The following ASTN2 variants were observed in gnomAD, a reference collection of about 807,000 sequenced individuals.
ASTN2 encodes the protein astrotactin-2.
Under a neutral mutation model 139.8 loss-of-function variants are expected in ASTN2, and 54 were observed. The ratio of observed to expected loss-of-function variants is 0.39; its 90% CI spans 0.31 to 0.48. The LOEUF (loss-of-function observed/expected upper bound fraction) is 0.48. Ranked by LOEUF, ASTN2 falls within the 20% of genes least tolerant of loss-of-function variation. The probability of loss-of-function intolerance (pLI) is 0.95; values close to 1 mark genes in which losing one functional copy is unlikely to be tolerated. For missense variants in ASTN2, 1,565 were observed against 1,725.1 expected (o/e 0.91, Z 1.64); for synonymous variants, 756 against 719.5 (o/e 1.05, Z -0.81).
At chr9:116,870,244 G>GTA (rs1358634235) in intron 10 of ASTN2, among the ~76,000 whole-genome samples, 5 of 152,286 alleles carry the variant, frequency 3.3e-5, no homozygotes, top group African/African-American at 1.2e-4. Flanking sequence ...GTTGAACCCA[G>GTA]GTAGGTCCAA....
intron 13 of ASTN2, among the ~76,000 whole-genome samples, chr9:116,801,606 A>G (rs1057119404): frequency 2.7e-5 from 4 of 149,404 alleles, no homozygotes; most frequent in African/African-American, 9.9e-5. Flanking sequence ...AAAAAAAAAA[A>G]AAAAAAAGAA....
chr9:116,502,077 G>A (rs1166464135), intron 19 of ASTN2, among the ~76,000 whole-genome samples: 1 of 152,078 alleles, frequency 6.6e-6, no homozygotes, highest in Non-Finnish European at 1.5e-5. Flanking sequence ...ATTTAACCAG[G>A]CTGAGGTGAA....
chr9:117,062,340 T>G (rs751010756), intron 5 of ASTN2, among the ~76,000 whole-genome samples: 1 of 152,162 alleles, frequency 6.6e-6, no homozygotes, highest in Non-Finnish European at 1.5e-5. Context: ...ACTTAGGACC[T>G]AAAAAGGAGC....
chr9:117,067,252 A>G (rs1257605808), intron 5 of ASTN2, among the ~76,000 whole-genome samples: 1,554 of 122,658 alleles, frequency 0.013, 10 homozygotes, highest in African/African-American at 0.041. Context: ...AGCACCATTT[A>G]TTAAATAGGG....
intron 19 of ASTN2, chr9:116,543,832 G>A (rs1368190369): frequency 1.3e-5 from 2 of 152,162 alleles, no homozygotes; most frequent in Non-Finnish European, 2.9e-5. Flanking sequence ...GTGACATCAG[G>A]ATGACGCTTG....
intron 1 of ASTN2, among the ~76,000 whole-genome samples, chr9:117,297,451 A>T (rs1484753708): frequency 1.3e-5 from 2 of 152,204 alleles, no homozygotes; most frequent in Admixed American, 1.3e-4. Flanking sequence ...TGCTTAATTA[A>T]TGCAAAGCTT....
chr9:116,923,825 C>T (rs1351769360), intron 10 of ASTN2, among the ~76,000 whole-genome samples: 1 of 152,182 alleles, frequency 6.6e-6, no homozygotes, highest in Non-Finnish European at 1.5e-5. Flanking sequence ...CCACATAGAG[C>T]ACACCTTGCT....
intron 22 of ASTN2, among the ~76,000 whole-genome samples, chr9:116,428,731 C>T (rs973004533): frequency 2.6e-5 from 4 of 152,134 alleles, no homozygotes; most frequent in Non-Finnish European, 5.9e-5. Context: ...TACTCAGGTT[C>T]AAATCCCAGC....
intron 1 of ASTN2, among the ~76,000 whole-genome samples, chr9:117,328,589 A>G (rs553669628): frequency 4.6e-5 from 7 of 152,228 alleles, no homozygotes; most frequent in South Asian, 2.1e-4. Context: ...CACTTTCCCA[A>G]TGATTGTTAA....
intron 3 of ASTN2, among the ~76,000 whole-genome samples, chr9:117,144,652 G>A: frequency 7.3e-6 from 1 of 136,932 alleles, no homozygotes; most frequent in Admixed American, 7.2e-5. Flanking sequence ...TGAGAGGAGT[G>A]AACACTAGTT....
intron 7 of ASTN2, among the ~76,000 whole-genome samples, chr9:116,978,791 G>GGA (rs1554766697): frequency 2.7e-5 from 4 of 149,984 alleles, no homozygotes; most frequent in South Asian, 2.1e-4. Context: ...AGGCTTCAGG[G>GGA]AAAAAAAAAA....
chr9:117,326,450 G>A (rs1438932753), intron 1 of ASTN2, among the ~76,000 whole-genome samples: 1 of 152,092 alleles, frequency 6.6e-6, no homozygotes, highest in Non-Finnish European at 1.5e-5. Flanking sequence ...AAAAAAACAG[G>A]CATATAAATA....
At chr9:117,071,475 C>T (rs1342709742) in intron 5 of ASTN2, among the ~76,000 whole-genome samples, 5 of 150,426 alleles carry the variant, frequency 3.3e-5, no homozygotes, top group Non-Finnish European at 7.4e-5. Flanking sequence ...TTTGTCTGTG[C>T]CCTGCCCCCA....
intron 1 of ASTN2, among the ~76,000 whole-genome samples, chr9:117,355,552 C>T (rs1333238769): frequency 6.6e-6 from 1 of 152,076 alleles, no homozygotes; most frequent in Non-Finnish European, 1.5e-5. Context: ...TGCTTAGCTC[C>T]CAGGCAAAGG....
intron 19 of ASTN2, among the ~76,000 whole-genome samples, chr9:116,581,047 G>A (rs559515688): frequency 2.6e-5 from 4 of 152,228 alleles, no homozygotes; most frequent in South Asian, 2.1e-4. Context: ...GGATGGGGGT[G>A]GGGAGAAAGT....
chr9:116,724,181 T>C (rs987363114), intron 16 of ASTN2, among the ~76,000 whole-genome samples: 3 of 152,338 alleles, frequency 2.0e-5, no homozygotes, highest in Admixed American at 6.5e-5. Flanking sequence ...CATAACCTAA[T>C]AGTATTACTT....
intron 19 of ASTN2, chr9:116,613,486 T>G (rs1187292409): frequency 6.5e-6 from 1 of 153,032 alleles, no homozygotes; most frequent in Non-Finnish European, 1.5e-5. Context: ...AATAAAATAT[T>G]GGCAAACCAA....
intron 12 of ASTN2, among the ~76,000 whole-genome samples, chr9:116,815,885 A>G (rs894788054): frequency 1.6e-4 from 24 of 151,354 alleles, no homozygotes; most frequent in Admixed American, 1.1e-3. Context: ...TAACTCTCTT[A>G]GCAAATAACG....
At chr9:116,677,070 AAGTC>A (rs1166085768) in intron 16 of ASTN2, among the ~76,000 whole-genome samples, 1 of 152,250 alleles carries the variant, frequency 6.6e-6, no homozygotes, top group African/African-American at 2.4e-5. Context: ...CTATGGTTAA[AAGTC>A]AGCTTAATTA....
Sources: allele counts gnomAD v4.1 joint callset (sites outside exome capture counted in the v4.1 genomes callset), GRCh38; gene constraint gnomAD v4.1.1; transcripts MANE v1.5; gene names NCBI Gene and HGNC (gene_info 2026-07-23, HGNC 2026-07-21).